The following CCS variants were observed in gnomAD, a reference collection of about 807,000 sequenced individuals.
CCS encodes copper chaperone for superoxide dismutase, also known as superoxide dismutase copper chaperone.
CCS carries 32 observed loss-of-function variants against 35.5 expected under a neutral mutation model. The ratio of observed to expected loss-of-function variants is 0.90; its 90% confidence interval spans 0.68 to 1.21. CCS has a LOEUF of 1.21. Ranked by LOEUF, CCS falls within the 50% of genes most tolerant of loss-of-function variation. The probability of loss-of-function intolerance (pLI) is 0.00; values close to 1 mark genes in which losing one functional copy is unlikely to be tolerated. For missense variants in CCS, 342 were observed against 375.4 expected (o/e 0.91, Z 0.73); for synonymous variants, 130 against 147.2 (o/e 0.88, Z 0.84).
Position 66,599,134 on chromosome 11 carries a change from T to C in CCS, c.131T>C (p.Val44Ala). Residue 44 changes from valine to alanine, a missense_variant, in exon 3 of 8, where the codon GTG (valine) becomes GCG (alanine). Physicochemically the swap from Val to Ala is moderately conservative, Grantham distance 64. Transcript: ENST00000533244. ...TTGCCAGGTGTCCAGGATGTGGAGG[T>C]GCACTTGGAGGACCAGATGGTCTTG... ...QGVAGVQDVEVHLEDQMVLVH... is the reference protein window; with the variant it reads ...QGVAGVQDVEAHLEDQMVLVH... 6.2e-7 allele frequency: 1 copy of C among 1,613,930 alleles called. No individual in the cohort carries two copies. Among genetic ancestry groups the C allele is most frequent in the South Asian group, 1.1e-5 (1 of 91,070 alleles).
intron 2 of CCS, among the ~76,000 whole-genome samples, chr11:66,594,166 G>T (rs1317902700): frequency 6.6e-6 from 1 of 151,706 alleles, no homozygotes; most frequent in Non-Finnish European, 1.5e-5. Flanking sequence ...AGACCATCCT[G>T]GCTAACACAG....
In CCS at chr11:66,605,544, G is replaced by C; in HGVS notation, c.623G>C (p.Gly208Ala). ...LIIDEGEDDL[G>A]RGGHPLSKIT... ...ATTGATGAGGGAGAAGATGACCTGG[G>C]CCGGGGAGGCCATCCCTTATCCAAG... The change falls in exon 7 of 8, where the codon GGC becomes GCC. Residue 208 changes from glycine (G) to alanine (A), a missense_variant. Coordinates refer to ENST00000533244, the MANE Select transcript of CCS (RefSeq NM_005125.2). 6.2e-7 allele frequency: 1 copy of C among 1,614,080 alleles called. No homozygotes were observed. The highest frequency in any genetic ancestry group is 8.5e-7 in the Non-Finnish European group (1 of 1,179,994).
chr11:66,595,329 C>T (rs913643529), intron 2 of CCS, among the ~76,000 whole-genome samples: 1 of 152,124 alleles, frequency 6.6e-6, no homozygotes, highest in African/African-American at 2.4e-5. Flanking sequence ...GCTTAGACTA[C>T]GCGTTTTGGG....
intron 2 of CCS, among the ~76,000 whole-genome samples, chr11:66,596,582 G>A (rs757795270): frequency 2.0e-5 from 3 of 151,932 alleles, no homozygotes; most frequent in African/African-American, 2.4e-5. Context: ...GGGTTTCACC[G>A]TGTTAGCCAG....
At chr11:66,601,250 AC>A (rs1353037430) in intron 5 of CCS, among the ~76,000 whole-genome samples, 1 of 150,950 alleles carries the variant, frequency 6.6e-6, no homozygotes, top group Non-Finnish European at 1.5e-5. Flanking sequence ...ACACCACCAC[AC>A]CCGGGTAATT....
At chr11:66,601,617 G>A (rs1292394528) in intron 5 of CCS, among the ~76,000 whole-genome samples, 1 of 150,420 alleles carries the variant, frequency 6.6e-6, no homozygotes, top group African/African-American at 2.5e-5. Context: ...TGCCCATGCT[G>A]GAGTGCAGTG....
chr11:66,603,076 G>C (rs1248041333), intron 5 of CCS, among the ~76,000 whole-genome samples: 1 of 152,224 alleles, frequency 6.6e-6, no homozygotes, highest in African/African-American at 2.4e-5. Context: ...ACCAGGCCAT[G>C]CCCCTGCCTG....
chr11:66,594,283 C>T (rs1383901637), intron 2 of CCS, among the ~76,000 whole-genome samples: 2 of 152,242 alleles, frequency 1.3e-5, no homozygotes, highest in African/African-American at 2.4e-5. Flanking sequence ...GGCGTGAACC[C>T]GGGAGGCGGA....
intron 2 of CCS, 97 bp from the exon 3 acceptor site, chr11:66,599,019 G>A: frequency 6.7e-7 from 1 of 1,495,838 alleles, no homozygotes; most frequent in South Asian, 1.1e-5. Flanking sequence ...GAAGTTTGGT[G>A]GAAATGGGGA....
chr11:66,596,702 C>G (rs1050929633), intron 2 of CCS, among the ~76,000 whole-genome samples: 9 of 152,066 alleles, frequency 5.9e-5, no homozygotes, highest in African/African-American at 2.2e-4. Flanking sequence ...TTGAACTTGA[C>G]CCTTGTGGAC....
intron 5 of CCS, chr11:66,605,104 A>G (rs1164557887): frequency 6.7e-7 from 1 of 1,497,418 alleles, no homozygotes; most frequent in Non-Finnish European, 8.9e-7. Context: ...AGTTCCAGGG[A>G]GGGAGTGTTC....
intron 5 of CCS, among the ~76,000 whole-genome samples, chr11:66,603,867 A>G (rs1185980172): frequency 2.0e-5 from 3 of 151,448 alleles, no homozygotes; most frequent in African/African-American, 7.3e-5. Flanking sequence ...ACAAAACAAA[A>G]CAAAACAAAA....
At chr11:66,602,101 T>C (rs1220834609) in intron 5 of CCS, among the ~76,000 whole-genome samples, 1 of 152,194 alleles carries the variant, frequency 6.6e-6, no homozygotes, top group Non-Finnish European at 1.5e-5. Flanking sequence ...AGGCATTTCT[T>C]ATAGAGTCCA....
rs1197723862 is a variant in CCS at position 66,594,434 on chromosome 11, T to C, written c.112+720T>C. On this transcript the variant is annotated intron_variant, in intron 2 of 7. Transcript: ENST00000533244. Reference sequence around the variant, plus strand: ...GCACAATGAGAAAGATCTGGAAAGGTAGAGCCACCAGCATGGCTCTGGGAA... The same window carrying C: ...GCACAATGAGAAAGATCTGGAAAGGCAGAGCCACCAGCATGGCTCTGGGAA... Among the ~76,000 whole-genome samples, 3 of 152,074 alleles carry C rather than the reference T, an allele frequency of 2.0e-5. No individual in the cohort carries two copies. The East Asian group carries it at 5.8e-4, about 30-fold the overall frequency.
rs1590826955 is a variant in CCS, at chr11:66,593,487, G to C, written c.40-155G>C. ...TTGGGGGGTGACTCCCATGGTCCTG[G>C]AATGGTCATGAGAGATCATGAAGAA... On this transcript the variant is annotated intron_variant, in intron 1 of 7. Coordinates refer to ENST00000533244, the MANE Select transcript of CCS (RefSeq NM_005125.2). 4.2e-6 allele frequency: 4 copies of C among 944,454 alleles called. No individual in the cohort carries two copies. The African/African-American group carries it at 4.9e-5, about 12-fold the overall frequency. 58.5% of individuals were successfully genotyped at this position (944,454 alleles called of 1,614,324 possible).
intron 2 of CCS, among the ~76,000 whole-genome samples, chr11:66,597,184 C>T (rs1330587659): frequency 3.3e-5 from 5 of 152,156 alleles, no homozygotes; most frequent in South Asian, 2.1e-4. Context: ...TTCGGCTGGG[C>T]GCAGTGGCTC....
chr11:66,593,504 C>A, intron 1 of CCS, 138 bp from the exon 2 acceptor site: 1 of 995,800 alleles, frequency 1.0e-6, no homozygotes, highest in South Asian at 1.5e-5. Flanking sequence ...CATGAGAGAT[C>A]ATGAAGAAGG....
intron 5 of CCS, among the ~76,000 whole-genome samples, chr11:66,601,639 G>A (rs1204558732): frequency 6.6e-6 from 1 of 151,582 alleles, no homozygotes; most frequent in African/African-American, 2.4e-5. Context: ...TGTGATCATG[G>A]CTCACTACAG....
intron 4 of CCS, chr11:66,600,094 G>A (rs1858548536): frequency 1.1e-5 from 2 of 179,024 alleles, no homozygotes; most frequent in Non-Finnish European, 2.3e-5. Flanking sequence ...TTGCACCACG[G>A]CACTCCAGCT....
Sources: allele counts gnomAD v4.1 joint callset (sites outside exome capture counted in the v4.1 genomes callset), GRCh38; gene constraint gnomAD v4.1.1; transcripts MANE v1.5; gene names NCBI Gene and HGNC (gene_info 2026-07-23, HGNC 2026-07-21).